The following UNKL variants were observed in gnomAD, a reference collection of about 807,000 sequenced individuals.
UNKL encodes putative E3 ubiquitin-protein ligase UNKL.
UNKL carries 60 observed loss-of-function variants against 78.0 expected under a neutral mutation model. The observed-to-expected ratio is 0.77, with a 90% CI of 0.63 to 0.95. The LOEUF (loss-of-function observed/expected upper bound fraction) is 0.95. Ranked by LOEUF, UNKL falls within the 40% of genes least tolerant of loss-of-function variation. The probability of loss-of-function intolerance (pLI) is 0.00; values close to 1 mark genes in which losing one functional copy is unlikely to be tolerated. For missense variants in UNKL, 1,159 were observed against 1,045.7 expected, an observed-to-expected ratio of 1.11 and a Z score of -1.49; for synonymous variants, 608 against 474.8, an observed-to-expected ratio of 1.28 and a Z score of -3.65.
chr16:1,377,201 T>C (rs2036301813), intron 10 of UNKL, among the ~76,000 whole-genome samples: 4 of 152,206 alleles, frequency 2.6e-5, no homozygotes, highest in East Asian at 1.9e-4. Flanking sequence ...TTTGCATTTT[T>C]AGTAGAGACA....
intron 12 of UNKL, among the ~76,000 whole-genome samples, chr16:1,369,446 T>C (rs1451077130): frequency 6.6e-6 from 1 of 151,710 alleles, no homozygotes; most frequent in Non-Finnish European, 1.5e-5. Flanking sequence ...CTCAGCTCAC[T>C]GCAAACTCCA....
intron 13 of UNKL, 114 bp from the exon 14 acceptor site, chr16:1,367,463 C>A: frequency 7.2e-7 from 1 of 1,388,310 alleles, no homozygotes; most frequent in Non-Finnish European, 9.5e-7. Context: ...GCTGTGGCCC[C>A]CTCACCTGAG....
intron 10 of UNKL, among the ~76,000 whole-genome samples, chr16:1,372,069 A>T (rs910786216): frequency 2.0e-5 from 3 of 148,420 alleles, no homozygotes; most frequent in African/African-American, 7.5e-5. Context: ...ATCCTGGCTA[A>T]CACGGTGAAA....
At chr16:1,413,756 C>G in intron 2 of UNKL, 90 bp downstream of exon 2, 1 of 1,389,040 alleles carries the variant, frequency 7.2e-7, no homozygotes, top group Non-Finnish European at 9.6e-7. Flanking sequence ...GGTATGGACA[C>G]TAAGGCGTCC....
At position 1,387,961 on chromosome 16, in the gene UNKL, G is replaced by A. The variant is rs953231853; in HGVS notation, c.1087-2576C>T. 6.6e-6 allele frequency among the ~76,000 whole-genome samples: 1 copy of A among 152,130 alleles called. No individual in the cohort carries two copies. Among genetic ancestry groups the A allele is most frequent in the Admixed American group, 6.5e-5 (1 of 15,276 alleles). On this transcript the variant is annotated intron_variant, in intron 9 of 14. Coordinates refer to ENST00000389221, the MANE Select transcript of UNKL (RefSeq NM_001372107.1). The surrounding 1 kb of genome is among the most constrained non-coding windows in gnomAD (Gnocchi z 4.1). The stretch of plus-strand genomic sequence containing the variant: ...CCAGTAGCCTAGAGGCCACCGCCCG[G>A]GTCACAGTCACCCCTGTGGATGTCC...
intron 2 of UNKL, among the ~76,000 whole-genome samples, chr16:1,406,461 C>T (rs539654817): frequency 3.1e-4 from 47 of 152,260 alleles, no homozygotes; most frequent in African/African-American, 1.1e-3. Flanking sequence ...GATCCGCCTG[C>T]CTTGGCATCC....
At chr16:1,395,165 ATTTT>A (rs35706255) in intron 6 of UNKL, among the ~76,000 whole-genome samples, 3 of 105,558 alleles carry the variant, frequency 2.8e-5, no homozygotes, top group East Asian at 2.7e-4. Flanking sequence ...CGGTCTGTTC[ATTTT>A]TTTTTTTTTT....
rs2035068318 is a variant in UNKL at position 1,364,417 on chromosome 16, C to T, written c.*1823G>A. ...CTATTAAAAGTCTTTGGCAAAGCCA[C>T]GGTCGGGGAGAAACACGTCGGTGCC... On this transcript the variant is annotated 3_prime_UTR_variant, in exon 15 of 15. Coordinates refer to ENST00000389221, the MANE Select transcript of UNKL (RefSeq NM_001372107.1). 6.6e-6 allele frequency: 1 copy of T among 152,372 alleles called. No homozygotes were observed. The highest frequency in any genetic ancestry group is 1.9e-4 in the East Asian group (1 of 5,196). The allele number at this position is 152,372 out of a possible 1,614,324, so 9.4% of individuals were successfully genotyped here. A position where few individuals can be genotyped will look rare whatever the true frequency, so the allele number is the denominator to read the frequency against.
rs939975601 is a variant in UNKL at position 1,392,895 on chromosome 16, C to T, written c.1019G>A (p.Gly340Glu). The T allele has an allele frequency of 1.3e-6, 2 of 1,550,612 alleles. No homozygotes were observed. Among genetic ancestry groups the T allele is most frequent in the South Asian group, 1.2e-5 (1 of 84,070 alleles). ...SPSSTGSGQP[G>E]NAKRRDSPAE... ...CTGGGAAGGCCGTTCACTTACATTT[C>T]CCGGCTGGCCGCTGCCCGTGGAGGA... The change falls in exon 8 of 15, where the codon GGA (glycine) becomes GAA (glutamate). Residue 340 changes from glycine to glutamate, a missense_variant. Gly to Glu is a moderately conservative substitution (Grantham distance 98). Coordinates refer to ENST00000389221, the MANE Select transcript of UNKL (RefSeq NM_001372107.1).
chr16:1,400,417 C>CAAAAAAAAAAAAAA (rs56093103), intron 4 of UNKL, among the ~76,000 whole-genome samples: 3 of 30,800 alleles, frequency 9.7e-5, no homozygotes, highest in African/African-American at 2.7e-4. Flanking sequence ...GACTCCATCT[C>CAAAAAAAAAAAAAA]AAAAAAAAAA....
At position 1,377,775 on chromosome 16, in the gene UNKL, GTTCC is replaced by G. The variant is rs1342860830; in HGVS notation, c.1265-6168_1265-6165del. Among the ~76,000 whole-genome samples, 3 of 152,248 alleles carry G rather than the reference GTTCC, an allele frequency of 2.0e-5. No individual in the cohort carries two copies. In the East Asian group the frequency reaches 5.8e-4, roughly 29 times the overall value. On this transcript the variant is annotated intron_variant, in intron 10 of 14. Transcript: ENST00000389221. ...CTCCCTGGCAAAGGATCCCTTGCTT[GTTCC>G]CATGGCCCCACTGCAGGCCCTTCCC...
At chr16:1,369,888 T>C (rs759123122) in intron 12 of UNKL, 8 of 1,487,574 alleles carry the variant, frequency 5.4e-6, no homozygotes, top group Admixed American at 4.0e-5. Context: ...GGCAGGAGAA[T>C]TGCTTGAACC....
At chr16:1,412,157 C>T (rs1300764786) in intron 2 of UNKL, 1 of 152,264 alleles carries the variant, frequency 6.6e-6, no homozygotes, top group African/African-American at 2.4e-5. Flanking sequence ...CCTGATACCA[C>T]CTCCCGCCAG....
At chr16:1,377,666 C>T (rs1011057483) in intron 10 of UNKL, among the ~76,000 whole-genome samples, 3 of 152,182 alleles carry the variant, frequency 2.0e-5, no homozygotes, top group Non-Finnish European at 4.4e-5. Context: ...GGGCTGGCAG[C>T]CTCTCCTGTG....
chr16:1,367,882 G>T (rs748307761), intron 12 of UNKL, 24 bp from the exon 13 acceptor site: 6 of 1,537,310 alleles, frequency 3.9e-6, no homozygotes, highest in Middle Eastern at 3.7e-4. Flanking sequence ...GGTCGATGAC[G>T]GCCCAGCCCT....
intron 7 of UNKL, 125 bp downstream of exon 7, chr16:1,394,006 G>A (rs771907573): frequency 6.2e-5 from 59 of 948,990 alleles, no homozygotes; most frequent in Non-Finnish European, 8.1e-5. Flanking sequence ...CCCCAACCAC[G>A]GTGCTGAGCT....
At chr16:1,395,531 C>G in intron 6 of UNKL, 1 of 344,498 alleles carries the variant, frequency 2.9e-6, no homozygotes, top group South Asian at 2.1e-5. Flanking sequence ...GTGAACACAG[C>G]CTCCCTGTAC....
intron 2 of UNKL, among the ~76,000 whole-genome samples, chr16:1,409,735 C>T (rs955101336): frequency 1.3e-5 from 2 of 152,144 alleles, no homozygotes; most frequent in Admixed American, 6.6e-5. Flanking sequence ...GGATACCACC[C>T]TGTGCCTAGC....
chr16:1,379,755 T>G (rs1030757720), intron 10 of UNKL: 4 of 815,522 alleles, frequency 4.9e-6, no homozygotes, highest in Admixed American at 2.5e-4. Context: ...CCCGTCGCAC[T>G]GGCCACGCCC....
Sources: gnomAD v4.1 joint callset for allele counts (sites outside exome capture counted in the v4.1 genomes callset) on GRCh38, gnomAD v4.1.1 for gene constraint, Gnocchi (gnomAD v3.1) non-coding constraint, MANE v1.5 for transcripts, NCBI Gene and HGNC (gene_info 2026-07-23, HGNC 2026-07-21) for gene names.